Variants in FOXP2 observed in about 807,000 individuals in gnomAD.
The protein encoded by FOXP2 is forkhead box protein P2.
FOXP2 carries 12 observed loss-of-function variants against 115.8 expected under a neutral mutation model. The observed-to-expected ratio is 0.10, with a 90% CI of 0.07 to 0.17. The LOEUF (loss-of-function observed/expected upper bound fraction) is 0.17, where lower values mean the gene tolerates loss of function less well. Ranked by LOEUF, FOXP2 falls within the 10% of genes least tolerant of loss-of-function variation. FOXP2 has a pLI of 1.00. For synonymous variants in FOXP2, 328 were observed against 297.7 expected, an observed-to-expected ratio of 1.10 and a Z score of -1.05; for missense variants, 629 against 843.5, an observed-to-expected ratio of 0.75 and a Z score of 3.15.
chr7:114,108,550 T>C (rs1452293909), intron 1 of FOXP2, among the ~76,000 whole-genome samples: 1 of 151,922 alleles, frequency 6.6e-6, no homozygotes, highest in African/African-American at 2.4e-5. Flanking sequence ...GGATTTTTCT[T>C]AGAATTAAGG....
At chr7:114,633,324 C>T (rs1805022919) in intron 6 of FOXP2, among the ~76,000 whole-genome samples, 1 of 151,946 alleles carries the variant, frequency 6.6e-6, no homozygotes, top group African/African-American at 2.4e-5. Flanking sequence ...TAGAAATTAC[C>T]TGAATTCAAA....
chr7:114,512,062 G>C (rs994084681), intron 2 of FOXP2, among the ~76,000 whole-genome samples: 3 of 152,104 alleles, frequency 2.0e-5, no homozygotes, highest in South Asian at 2.1e-4. Context: ...TTAAGAGTTT[G>C]ATTTTGTTTT....
At position 114,552,578 on chromosome 7, in the gene FOXP2, G is replaced by T. The variant is rs192827557; in HGVS notation, c.258+17872G>T. 2.8e-4 allele frequency among the ~76,000 whole-genome samples: 43 copies of T among 152,218 alleles called. 1 individual carries two copies. The South Asian group carries it at 8.7e-3, about 31-fold the overall frequency. ...TATCAGCAAAAACAAGAAGAAGCAA[G>T]ATTATTTTAAAAGTTGGAAGTTTAT... On this transcript the variant is annotated intron_variant, in intron 3 of 16. Transcript: ENST00000350908.
chr7:114,453,349 T>C (rs1451423122), intron 2 of FOXP2, among the ~76,000 whole-genome samples: 1 of 152,112 alleles, frequency 6.6e-6, no homozygotes, highest in Non-Finnish European at 1.5e-5. Context: ...TTTAAGTCCT[T>C]TGATTTTTTT....
intron 2 of FOXP2, among the ~76,000 whole-genome samples, chr7:114,382,075 C>A (rs907919879): frequency 1.3e-5 from 2 of 152,082 alleles, no homozygotes; most frequent in African/African-American, 4.8e-5. Flanking sequence ...GGCTTTCAGG[C>A]ATAATTAGAA....
At chr7:114,539,966 C>T (rs1799576181) in intron 3 of FOXP2, among the ~76,000 whole-genome samples, 1 of 151,930 alleles carries the variant, frequency 6.6e-6, no homozygotes, top group Admixed American at 6.6e-5. Context: ...TAAAGATACC[C>T]AACCTTTCAA....
chr7:114,604,017 T>C (rs1251384388), intron 3 of FOXP2, among the ~76,000 whole-genome samples: 1 of 152,208 alleles, frequency 6.6e-6, no homozygotes, highest in Admixed American at 6.5e-5. Context: ...TATGACTATT[T>C]ACAATGTTAA....
intron 3 of FOXP2, among the ~76,000 whole-genome samples, chr7:114,603,758 A>T (rs890497389): frequency 5.3e-5 from 8 of 152,196 alleles, no homozygotes; most frequent in Non-Finnish European, 8.8e-5. Context: ...GAGTGATTAA[A>T]TTTTACCATG....
At chr7:114,122,594 T>G (rs1791595461) in intron 1 of FOXP2, among the ~76,000 whole-genome samples, 1 of 152,014 alleles carries the variant, frequency 6.6e-6, no homozygotes, top group Non-Finnish European at 1.5e-5. Flanking sequence ...TTTACCCATC[T>G]TTGGGGTTTT....
At chr7:114,407,571 T>C (rs1793064731) in intron 2 of FOXP2, among the ~76,000 whole-genome samples, 1 of 152,104 alleles carries the variant, frequency 6.6e-6, no homozygotes, top group South Asian at 2.1e-4. Flanking sequence ...AGATTACAAA[T>C]ATTAAATCAG....
At chr7:114,146,325 C>G (rs1269508747) in intron 1 of FOXP2, among the ~76,000 whole-genome samples, 1 of 152,154 alleles carries the variant, frequency 6.6e-6, no homozygotes, top group Non-Finnish European at 1.5e-5. Flanking sequence ...TTGAATTGAC[C>G]TGAATTGATT....
chr7:114,664,176 A>G (rs929374609), intron 15 of FOXP2, 97 bp from the exon 16 acceptor site: 32 of 1,330,852 alleles, frequency 2.4e-5, no homozygotes, highest in African/African-American at 1.6e-4. Context: ...TAAAATATCT[A>G]TTTCCTTATT....
At chr7:114,149,514 C>G (rs1315575295) in intron 1 of FOXP2, among the ~76,000 whole-genome samples, 1 of 152,052 alleles carries the variant, frequency 6.6e-6, no homozygotes, top group Non-Finnish European at 1.5e-5. Flanking sequence ...CTCACCTGCA[C>G]TATTTGCTGA....
intron 1 of FOXP2, among the ~76,000 whole-genome samples, chr7:114,187,052 A>G (rs1479338186): frequency 1.3e-5 from 2 of 152,174 alleles, no homozygotes; most frequent in Non-Finnish European, 2.9e-5. Flanking sequence ...TTTCAGGGTC[A>G]TTCTCCAATT....
At chr7:114,603,684 G>A (rs866285151) in intron 3 of FOXP2, among the ~76,000 whole-genome samples, 6 of 152,116 alleles carry the variant, frequency 3.9e-5, no homozygotes, top group Non-Finnish European at 8.8e-5. Flanking sequence ...AAGAATGATT[G>A]CCCTGTGGCT....
At chr7:114,678,547 CTTTTTTT>C (rs35525759) in intron 16 of FOXP2, among the ~76,000 whole-genome samples, 14 of 48,388 alleles carry the variant, frequency 2.9e-4, no homozygotes, top group African/African-American at 6.3e-4. Context: ...ATAAGTGACT[CTTTTTTT>C]TTTTTTTTTT....
chr7:114,543,046 C>T (rs1026509263), intron 3 of FOXP2, among the ~76,000 whole-genome samples: 1 of 151,692 alleles, frequency 6.6e-6, no homozygotes, highest in Non-Finnish European at 1.5e-5. Flanking sequence ...CCTCCAAAAG[C>T]GCTGGGATTA....
chr7:114,112,075 A>G (rs1791281626), intron 1 of FOXP2, among the ~76,000 whole-genome samples: 1 of 152,076 alleles, frequency 6.6e-6, no homozygotes, highest in Non-Finnish European at 1.5e-5. Context: ...GTAAGACTTT[A>G]TGGGCGTAAT....
At chr7:114,621,297 C>T (rs935573994) in intron 3 of FOXP2, among the ~76,000 whole-genome samples, 1 of 151,892 alleles carries the variant, frequency 6.6e-6, no homozygotes, top group African/African-American at 2.4e-5. Flanking sequence ...GAATATTTTT[C>T]TAATTCTGAG....
Sources: allele counts gnomAD v4.1 joint callset (sites outside exome capture counted in the v4.1 genomes callset), GRCh38; gene constraint gnomAD v4.1.1; transcripts MANE v1.5; gene names NCBI Gene and HGNC (gene_info 2026-07-23, HGNC 2026-07-21).